PTPRM: variants seen among roughly 807,000 people sequenced by gnomAD.
The protein encoded by PTPRM is receptor-type tyrosine-protein phosphatase mu.
In PTPRM, 47 loss-of-function variants were observed where a neutral mutation model predicts 186.7. The observed-to-expected ratio is 0.25, with a 90% CI of 0.20 to 0.32. The LOEUF is 0.32. PTPRM is among the 10% of genes least tolerant of loss of function. PTPRM has a pLI of 1.00. For synonymous variants in PTPRM, 668 were observed against 674.9 expected, an observed-to-expected ratio of 0.99 and a Z score of 0.16; for missense variants, 1,494 against 1,865.0, an observed-to-expected ratio of 0.80 and a Z score of 3.66.
At chr18:7,788,392 A>G (rs2043186828) in intron 2 of PTPRM, among the ~76,000 whole-genome samples, 1 of 152,220 alleles carries the variant, frequency 6.6e-6, no homozygotes, top group South Asian at 2.1e-4. Flanking sequence ...TGCTTTGGAA[A>G]AATATGAAAG....
At chr18:7,895,753 G>T (rs1165127557) in intron 3 of PTPRM, among the ~76,000 whole-genome samples, 2 of 152,164 alleles carry the variant, frequency 1.3e-5, no homozygotes, top group Non-Finnish European at 2.9e-5. Context: ...GTTGGACTAG[G>T]CAAAGTTTTC....
chr18:8,266,843 G>T (rs1024642429), intron 19 of PTPRM, among the ~76,000 whole-genome samples: 3 of 151,960 alleles, frequency 2.0e-5, no homozygotes, highest in African/African-American at 7.3e-5. Flanking sequence ...AGGAGGCGGA[G>T]GTTGCAGTGA....
At chr18:7,588,408 T>G (rs988541377) in intron 1 of PTPRM, among the ~76,000 whole-genome samples, 1 of 152,302 alleles carries the variant, frequency 6.6e-6, no homozygotes. Flanking sequence ...GAGGATTGAC[T>G]ATCATTGGAA....
At chr18:7,751,604 T>C (rs2041219327) in intron 1 of PTPRM, 1 of 152,234 alleles carries the variant, frequency 6.6e-6, no homozygotes, top group Admixed American at 6.5e-5. Flanking sequence ...GTTGTGTGAT[T>C]TGGGGTAGAA....
At chr18:7,728,812 G>C (rs896463602) in intron 1 of PTPRM, among the ~76,000 whole-genome samples, 5 of 151,988 alleles carry the variant, frequency 3.3e-5, no homozygotes, top group Admixed American at 3.3e-4. Flanking sequence ...ATTAATCTGT[G>C]TCCTAGACTA....
intron 15 of PTPRM, among the ~76,000 whole-genome samples, chr18:8,244,984 T>G (rs1181479155): frequency 1.3e-5 from 2 of 152,122 alleles, no homozygotes; most frequent in South Asian, 2.1e-4. Flanking sequence ...CTGGTCAGCA[T>G]GGGGATGGAA....
At position 8,076,466 on chromosome 18, in the gene PTPRM, G is replaced by C. The variant is rs769381852; in HGVS notation, c.1453G>C (p.Val485Leu). 5 of 1,600,430 alleles carry C rather than the reference G, an allele frequency of 3.1e-6. No homozygotes were observed. Among genetic ancestry groups the C allele is most frequent in the Non-Finnish European group, 4.3e-6 (5 of 1,169,334 alleles). Residue 485 changes from valine (V) to leucine (L), a missense_variant, in exon 9 of 33, where the codon GTT becomes CTT. By Grantham distance (32) the Val-to-Leu change is conservative. Around this residue, in one of 3 missense-constraint regions of PTPRM, gnomAD observed 1,107 missense variants for 1,350.2 expected, o/e 0.82. Transcript: ENST00000580170. ...CCACCCTCCTTTAGTCCCAGGTGCT[G>C]TTCCCACTGAATCCATACAAGGAAG... ...VQTDEDLPGA[V>L]PTESIQGSTF...
chr18:7,814,440 C>G (rs1307121785), intron 2 of PTPRM: 1 of 152,172 alleles, frequency 6.6e-6, no homozygotes, highest in Non-Finnish European at 1.5e-5. Flanking sequence ...TGAGATGGGC[C>G]TGGAAGAATG....
chr18:8,017,056 C>T lies in PTPRM; in HGVS notation c.1133-52630C>T, dbSNP rs1450334225. Among the ~76,000 whole-genome samples, 4 of 152,252 alleles carry T rather than the reference C, an allele frequency of 2.6e-5. No homozygotes were observed. The East Asian group carries it at 5.8e-4, about 22-fold the overall frequency. On this transcript the variant is annotated intron_variant, in intron 7 of 32. Coordinates refer to ENST00000580170, the MANE Select transcript of PTPRM (RefSeq NM_001105244.2). ...TTTTTCTACATTCATCTATAAATTACATACGAGTGGGGTAGCTCTATTTCT... is the reference window on the plus strand; with the variant it reads ...TTTTTCTACATTCATCTATAAATTATATACGAGTGGGGTAGCTCTATTTCT...
At chr18:7,810,020 G>T (rs551260278) in intron 2 of PTPRM, among the ~76,000 whole-genome samples, 10 of 152,334 alleles carry the variant, frequency 6.6e-5, no homozygotes, top group African/African-American at 2.4e-4. Context: ...TGTGGGACTT[G>T]GTGAGTTTGG....
intron 3 of PTPRM, among the ~76,000 whole-genome samples, chr18:7,891,588 C>T (rs897211022): frequency 1.6e-4 from 25 of 151,766 alleles, no homozygotes; most frequent in Non-Finnish European, 7.4e-5. Flanking sequence ...AGTGGGTGGC[C>T]GGGCGCAATG....
chr18:8,401,859 G>C (rs890730231), intron 32 of PTPRM, among the ~76,000 whole-genome samples: 1 of 152,234 alleles, frequency 6.6e-6, no homozygotes, highest in Non-Finnish European at 1.5e-5. Flanking sequence ...AAGTCTGATC[G>C]GGAGCGGGGC....
chr18:8,282,616 C>T (rs7504906), intron 19 of PTPRM, among the ~76,000 whole-genome samples: 4,187 of 152,176 alleles, frequency 0.028, 69 homozygotes, highest in Middle Eastern at 0.054. Context: ...GAGCCAAGAT[C>T]GCACCATTGC....
intron 1 of PTPRM, among the ~76,000 whole-genome samples, chr18:7,648,920 G>T (rs143074571): frequency 2.0e-5 from 3 of 152,200 alleles, no homozygotes; most frequent in Non-Finnish European, 2.9e-5. Context: ...AGATAAATTA[G>T]CCTTCTATTG....
chr18:7,625,957 C>T (rs929346512), intron 1 of PTPRM, among the ~76,000 whole-genome samples: 10 of 152,206 alleles, frequency 6.6e-5, no homozygotes, highest in Admixed American at 3.3e-4. Context: ...GGTTTGAAAC[C>T]CAGGTCCTCG....
chr18:8,370,362 GT>G lies in PTPRM; in HGVS notation c.3055-524del, dbSNP rs547461369. On this transcript the variant is annotated intron_variant, in intron 23 of 32. Transcript: ENST00000580170. ...GAAAGACAATTTCAGATTTTAGGAAGTTTTGTTTATTGAATTTATTTATACT... is the reference window on the plus strand; with the variant it reads ...GAAAGACAATTTCAGATTTTAGGAAGTTTGTTTATTGAATTTATTTATACT... 3.3e-5 allele frequency among the ~76,000 whole-genome samples: 5 copies of G among 152,282 alleles called. No homozygotes were observed. In the South Asian group the frequency reaches 1.0e-3, roughly 32 times the overall value.
intron 5 of PTPRM, among the ~76,000 whole-genome samples, chr18:7,929,511 T>C (rs779521368): frequency 3.3e-5 from 5 of 152,210 alleles, no homozygotes; most frequent in African/African-American, 7.2e-5. Flanking sequence ...ACTTACTTTA[T>C]CCTGGAATCA....
chr18:8,253,648 C>T (rs2094549492), intron 19 of PTPRM, among the ~76,000 whole-genome samples: 1 of 152,156 alleles, frequency 6.6e-6, no homozygotes, highest in South Asian at 2.1e-4. Flanking sequence ...ATCCAGTCCT[C>T]CAGATCCATG....
At chr18:8,244,025 G>A in intron 14 of PTPRM, 33 bp from the exon 15 acceptor site, 3 of 1,590,956 alleles carry the variant, frequency 1.9e-6, no homozygotes, top group Non-Finnish European at 2.6e-6. Context: ...CCGTTCAAAT[G>A]CATGCCTACA....
Sources: allele counts gnomAD v4.1 joint callset (sites outside exome capture counted in the v4.1 genomes callset), GRCh38; gene constraint gnomAD v4.1.1; regional missense constraint gnomAD v4.1.1; transcripts MANE v1.5; gene names NCBI Gene and HGNC (gene_info 2026-07-23, HGNC 2026-07-21).